DOCK3: variants seen among roughly 807,000 people sequenced by gnomAD.
DOCK3 encodes the protein dedicator of cytokinesis protein 3.
A neutral mutation model predicts 265.6 loss-of-function variants in DOCK3; 60 were observed. That is an observed-to-expected ratio of 0.23 (90% CI 0.18 to 0.28). The LOEUF (loss-of-function observed/expected upper bound fraction) is 0.28. Among genes scored for constraint, DOCK3 ranks in the 10% least tolerant of loss-of-function variants. DOCK3 has a pLI of 1.00. For synonymous variants in DOCK3, 881 were observed against 938.0 expected, an observed-to-expected ratio of 0.94 and a Z score of 1.11; for missense variants, 1,981 against 2,594.3, an observed-to-expected ratio of 0.76 and a Z score of 5.14.
At chr3:50,876,166 A>G (rs1257988951) in intron 3 of DOCK3, among the ~76,000 whole-genome samples, 1 of 152,104 alleles carries the variant, frequency 6.6e-6, no homozygotes, top group African/African-American at 2.4e-5. Flanking sequence ...AGAATTATTC[A>G]TGTTAAAAAA....
At chr3:50,756,712 G>A (rs2040184242) in intron 1 of DOCK3, among the ~76,000 whole-genome samples, 1 of 152,058 alleles carries the variant, frequency 6.6e-6, no homozygotes, top group South Asian at 2.1e-4. Flanking sequence ...TTTGTTGTCA[G>A]TCTTTTTGAT....
At position 50,736,837 on chromosome 3, in the gene DOCK3, C is replaced by T. The variant is rs144313213; in HGVS notation, c.38-41838C>T. ...TCAGCCTCCCAAGTAGCTGGGACTA[C>T]AGGTGCCCACCACCATGCCCGGCTA... is the stretch of plus-strand genomic sequence containing the variant. On this transcript the variant is annotated intron_variant, in intron 1 of 52. Coordinates refer to ENST00000266037, the MANE Select transcript of DOCK3 (RefSeq NM_004947.5). Among the ~76,000 whole-genome samples, 657 of 151,952 alleles carry T rather than the reference C, an allele frequency of 4.3e-3. 4 individuals are homozygous for T. Among genetic ancestry groups the T allele is most frequent in the Non-Finnish European group, 7.3e-3 (496 of 67,980 alleles).
chr3:51,243,656 T>C (rs1270536304), intron 21 of DOCK3, among the ~76,000 whole-genome samples: 3 of 152,322 alleles, frequency 2.0e-5, no homozygotes. Flanking sequence ...TCCCAGTCAC[T>C]TGGTTGCCTT....
chr3:51,209,011 A>C, intron 13 of DOCK3, 149 bp downstream of exon 13: 1 of 697,044 alleles, frequency 1.4e-6, no homozygotes, highest in Non-Finnish European at 2.3e-6. Context: ...TCTTTTTGTA[A>C]TAATTTGAGG....
chr3:51,262,824 T>C (rs553599939), intron 23 of DOCK3, among the ~76,000 whole-genome samples: 3 of 152,096 alleles, frequency 2.0e-5, no homozygotes, highest in Middle Eastern at 3.4e-3. Flanking sequence ...ATATCAGAGA[T>C]TGAAGATCAA....
At chr3:51,182,307 T>C (rs186244309) in intron 12 of DOCK3, among the ~76,000 whole-genome samples, 49 of 152,320 alleles carry the variant, frequency 3.2e-4, no homozygotes, top group Admixed American at 7.8e-4. Context: ...AATGAGTCAA[T>C]ATAGGTAAAG....
At position 50,875,419 on chromosome 3, in the gene DOCK3, A is replaced by G. The variant is rs184881940; in HGVS notation, c.163-14607A>G. ...TTCAATTTTTCCCTGTTCCTTCAGTATGATATTAGCTATGGGTTTGTTATA... is the reference window on the plus strand; with the variant it reads ...TTCAATTTTTCCCTGTTCCTTCAGTGTGATATTAGCTATGGGTTTGTTATA... On this transcript the variant is annotated intron_variant, in intron 3 of 52. Coordinates refer to ENST00000266037, the MANE Select transcript of DOCK3 (RefSeq NM_004947.5). 2.0e-5 allele frequency among the ~76,000 whole-genome samples: 3 copies of G among 152,212 alleles called. No homozygotes were observed. The East Asian group carries it at 5.8e-4, about 29-fold the overall frequency.
chr3:51,145,073 C>T (rs920670200), intron 9 of DOCK3, among the ~76,000 whole-genome samples: 1 of 152,164 alleles, frequency 6.6e-6, no homozygotes, highest in African/African-American at 2.4e-5. Flanking sequence ...TTGTAATTTC[C>T]TCCTGAAATT....
intron 4 of DOCK3, among the ~76,000 whole-genome samples, chr3:50,920,663 C>A (rs57498892): frequency 6.6e-6 from 1 of 152,094 alleles, no homozygotes; most frequent in East Asian, 1.9e-4. Context: ...GTCTTGCTAA[C>A]GGTCTGTCAA....
chr3:51,297,483 T>A (rs898575511), intron 27 of DOCK3, among the ~76,000 whole-genome samples: 2 of 151,950 alleles, frequency 1.3e-5, no homozygotes, highest in Non-Finnish European at 2.9e-5. Flanking sequence ...CACCTACTAC[T>A]CAAAGATAGA....
chr3:51,010,165 G>A (rs963168963), intron 5 of DOCK3, among the ~76,000 whole-genome samples: 5 of 152,070 alleles, frequency 3.3e-5, no homozygotes, highest in African/African-American at 7.2e-5. Flanking sequence ...TCAGTTCCTG[G>A]ATATCCTTGT....
chr3:51,381,718 G>T lies in DOCK3; in HGVS notation c.*159G>T. The T allele has an allele frequency of 2.0e-6, 2 of 1,010,460 alleles. No homozygotes were observed. Among genetic ancestry groups the T allele is most frequent in the Non-Finnish European group, 2.8e-6 (2 of 720,944 alleles). The allele number at this position is 1,010,460 out of a possible 1,614,324, so 62.6% of individuals were successfully genotyped here. On this transcript the variant is annotated 3_prime_UTR_variant, in exon 53 of 53. Coordinates refer to ENST00000266037, the MANE Select transcript of DOCK3 (RefSeq NM_004947.5). This position sits in a 1 kb window ranked among gnomAD's most constrained non-coding sequence, Gnocchi z 5.6. ...CTCCGTTCTACTGCCGTGAACTCAT[G>T]TGTTGCCATGTACAGAGGCCACAGC...
intron 27 of DOCK3, among the ~76,000 whole-genome samples, chr3:51,307,861 G>T (rs1471940356): frequency 6.6e-6 from 1 of 150,582 alleles, no homozygotes; most frequent in South Asian, 2.1e-4. Context: ...CATGCAGCTG[G>T]GATGTTAAAT....
intron 35 of DOCK3, among the ~76,000 whole-genome samples, chr3:51,334,968 C>T (rs1256214888): frequency 3.9e-5 from 6 of 152,284 alleles, no homozygotes; most frequent in Non-Finnish European, 2.9e-5. Flanking sequence ...GGCCTTTACT[C>T]ACTTCTCCAG....
At chr3:51,056,486 G>A (rs1427170441) in intron 5 of DOCK3, among the ~76,000 whole-genome samples, 1 of 152,152 alleles carries the variant, frequency 6.6e-6, no homozygotes, top group East Asian at 1.9e-4. Context: ...CTGACCTCGT[G>A]ATCCACCCAC....
intron 32 of DOCK3, 47 bp downstream of exon 32, chr3:51,315,175 T>C: frequency 6.6e-7 from 1 of 1,525,268 alleles, no homozygotes; most frequent in Non-Finnish European, 8.9e-7. Flanking sequence ...ATGGATCCCT[T>C]CTGCTTAGGC....
At chr3:51,050,183 A>C (rs1289761801) in intron 5 of DOCK3, among the ~76,000 whole-genome samples, 2 of 152,158 alleles carry the variant, frequency 1.3e-5, no homozygotes, top group African/African-American at 4.8e-5. Context: ...CAGGAGTTTG[A>C]GACCAGCCTG....
In DOCK3 at chr3:51,381,476, C is replaced by T. The variant is rs1553618694; in HGVS notation, c.6010C>T (p.His2004Tyr). ...AGAGACTGAGAGGCCTCGAGGCCTG[C>T]ACCGCAAGGCTCCATTGCCTCCTGG... is the stretch of plus-strand genomic sequence containing the variant. ...REETERPRGL[H>Y]RKAPLPPGSA... The change falls in exon 53 of 53, where the codon CAC (histidine) becomes TAC (tyrosine). Residue 2004 changes from histidine to tyrosine, a missense_variant. Around this residue, in one of 4 missense-constraint regions of DOCK3, gnomAD observed 149 missense variants for 144.7 expected, o/e 1.03. Coordinates refer to ENST00000266037, the MANE Select transcript of DOCK3 (RefSeq NM_004947.5). This position sits in a 1 kb window ranked among gnomAD's most constrained non-coding sequence, Gnocchi z 5.6. The T allele has an allele frequency of 6.3e-7, 1 of 1,591,666 alleles. No individual in the cohort carries two copies. The highest frequency in any genetic ancestry group is 8.5e-7 in the Non-Finnish European group (1 of 1,169,866).
In DOCK3 at chr3:50,845,492, A is replaced by G. The variant is rs184130376; in HGVS notation, c.162+3777A>G. ...TGCACAGCAAAAAATTGCAAGACAT[A>G]TTCATGGAATAGTAAATATTTTAAG... On this transcript the variant is annotated intron_variant, in intron 3 of 52. Coordinates refer to ENST00000266037, the MANE Select transcript of DOCK3 (RefSeq NM_004947.5). Among the ~76,000 whole-genome samples, 169 of 152,298 alleles carry G rather than the reference A, an allele frequency of 1.1e-3. 1 individual carries two copies. The highest frequency in any genetic ancestry group is 2.0e-3 in the Admixed American group (30 of 15,300).
Sources: gnomAD v4.1 joint callset for allele counts (sites outside exome capture counted in the v4.1 genomes callset) on GRCh38, gnomAD v4.1.1 for gene constraint, gnomAD v4.1.1 regional missense constraint, Gnocchi (gnomAD v3.1) non-coding constraint, MANE v1.5 for transcripts, NCBI Gene and HGNC (gene_info 2026-07-23, HGNC 2026-07-21) for gene names.